The following HFE variants were observed in gnomAD, a reference collection of about 807,000 sequenced individuals.
HFE encodes homeostatic iron regulator.
In HFE, 36 loss-of-function variants were observed where a neutral mutation model predicts 40.9. That is an observed-to-expected ratio of 0.88 (90% CI 0.67 to 1.16). The LOEUF is 1.16. Ranked by LOEUF, HFE falls within the 50% of genes most tolerant of loss-of-function variation. The probability of loss-of-function intolerance (pLI) is 0.00; values close to 1 mark genes in which losing one functional copy is unlikely to be tolerated. For missense variants in HFE, 376 were observed against 432.0 expected (o/e 0.87, Z 1.15); for synonymous variants, 157 against 165.4 (o/e 0.95, Z 0.39).
intron 5 of HFE, 151 bp from the exon 6 acceptor site, chr6:26,094,035 A>G (rs1440008836): frequency 2.6e-6 from 2 of 775,312 alleles, no homozygotes; most frequent in Non-Finnish European, 4.5e-6. Context: ...AAAGCCAATA[A>G]GCATTTCCAG....
chr6:26,090,891 G>C lies in HFE; in HGVS notation c.127G>C (p.Gly43Arg). The change falls in exon 2 of 6, where the codon GGT becomes CGT. Residue 43 changes from glycine (G) to arginine (R), a missense_variant. This residue lies in a region of HFE where 200 missense variants were observed against 228.5 expected (regional missense o/e 0.88). Transcript: ENST00000357618. Reference sequence around the variant, plus strand: ...CATGGGTGCCTCAGAGCAGGACCTTGGTCTTTCCTTGTTTGAAGCTTTGGG... The same window carrying C: ...CATGGGTGCCTCAGAGCAGGACCTTCGTCTTTCCTTGTTTGAAGCTTTGGG... ...LFMGASEQDL[G>R]LSLFEALGYV... 1.2e-6 allele frequency: 2 copies of C among 1,614,150 alleles called. No individual in the cohort carries two copies. Among genetic ancestry groups the C allele is most frequent in the Non-Finnish European group, 1.7e-6 (2 of 1,180,012 alleles).
In HFE at chr6:26,090,859, A is replaced by G; in HGVS notation, c.95A>G (p.Tyr32Cys). 6.2e-7 allele frequency: 1 copy of G among 1,613,896 alleles called. No individual in the cohort carries two copies. Among genetic ancestry groups the G allele is most frequent in the South Asian group, 1.1e-5 (1 of 91,070 alleles). ...TCTCCAGGTTCACACTCTCTGCACT[A>G]CCTCTTCATGGGTGCCTCAGAGCAG... ...GRLLRSHSLHYLFMGASEQDL... is the reference protein window; with the variant it reads ...GRLLRSHSLHCLFMGASEQDL... The change falls in exon 2 of 6, where the codon TAC becomes TGC. Residue 32 changes from tyrosine to cysteine, a missense_variant. Around this residue, in one of 3 missense-constraint regions of HFE, gnomAD observed 200 missense variants for 228.5 expected, o/e 0.88. Coordinates refer to ENST00000357618, the MANE Select transcript of HFE (RefSeq NM_000410.4).
At position 26,096,260 on chromosome 6, in the gene HFE, A is replaced by G. The variant is rs1455605657; in HGVS notation, c.*2034A>G. On this transcript the variant is annotated 3_prime_UTR_variant, in exon 6 of 6. Transcript: ENST00000357618. ...GCGATTCTCCTGTCTCAGCCTCCCAAGTAGCTGGGATTACAGGCGTGCACC... is the reference window on the plus strand; with the variant it reads ...GCGATTCTCCTGTCTCAGCCTCCCAGGTAGCTGGGATTACAGGCGTGCACC... The G allele has an allele frequency of 2.0e-5, 6 of 298,246 alleles. No individual in the cohort carries two copies. Among genetic ancestry groups the G allele is most frequent in the Non-Finnish European group, 2.6e-5 (4 of 151,024 alleles). The allele number at this position is 298,246 out of a possible 1,614,324, so 18.5% of individuals were successfully genotyped here.
chr6:26,095,145 C>G lies in HFE; in HGVS notation c.*919C>G, dbSNP rs184512625. On this transcript the variant is annotated 3_prime_UTR_variant, in exon 6 of 6. Coordinates refer to ENST00000357618, the MANE Select transcript of HFE (RefSeq NM_000410.4). Reference sequence around the variant, plus strand: ...CATGCATTACTGCATGCACTTCTTACAATAATTCTATGAGATAGGTACTAT... The same window carrying G: ...CATGCATTACTGCATGCACTTCTTAGAATAATTCTATGAGATAGGTACTAT... The G allele has an allele frequency of 6.6e-6, 1 of 152,368 alleles. No homozygotes were observed. The highest frequency in any genetic ancestry group is 6.5e-5 in the Admixed American group (1 of 15,298). 9.4% of individuals were successfully genotyped at this position (152,368 alleles called of 1,614,324 possible). A position where few individuals can be genotyped will look rare whatever the true frequency, so the allele number is the denominator to read the frequency against.
In HFE at chr6:26,096,546, T is replaced by G. The variant is rs1343173895; in HGVS notation, c.*2320T>G. ...CATTCTGTCTTGAAGGGCAGGTGCTTCAGGATACCATATACAGCTCAGAAG... is the reference window on the plus strand; with the variant it reads ...CATTCTGTCTTGAAGGGCAGGTGCTGCAGGATACCATATACAGCTCAGAAG... On this transcript the variant is annotated 3_prime_UTR_variant, in exon 6 of 6. Coordinates refer to ENST00000357618, the MANE Select transcript of HFE (RefSeq NM_000410.4). 2.2e-6 allele frequency: 1 copy of G among 456,518 alleles called. No individual in the cohort carries two copies. The highest frequency in any genetic ancestry group is 4.4e-6 in the Non-Finnish European group (1 of 226,818). 28.3% of individuals were successfully genotyped at this position (456,518 alleles called of 1,614,324 possible).
In HFE at chr6:26,092,753, AACT is replaced by A. The variant is rs766992720; in HGVS notation, c.691_693del (p.Tyr231del). 64 of 1,614,204 alleles carry A rather than the reference AACT, an allele frequency of 4.0e-5. No homozygotes were observed. The East Asian group carries it at 1.4e-3, about 35-fold the overall frequency. ...GACCACTCTACGGTGTCGGGCCTTGAACTACTACCCCCAGAACATCACCATGAA... is the reference window on the plus strand; with the variant it reads ...GACCACTCTACGGTGTCGGGCCTTGAACTACCCCCAGAACATCACCATGAA... On this transcript the variant is annotated inframe_deletion, in exon 4 of 6. Transcript: ENST00000357618.
At chr6:26,087,578 T>G (rs1762370745) in intron 1 of HFE, 62 bp downstream of exon 1, 1 of 1,429,072 alleles carries the variant, frequency 7.0e-7, no homozygotes, top group Non-Finnish European at 9.8e-7. Context: ...CGAAACTAGC[T>G]TTTTCTTTGC....
At chr6:26,089,110 G>C (rs57437008) in intron 1 of HFE, among the ~76,000 whole-genome samples, 3 of 45,688 alleles carry the variant, frequency 6.6e-5, no homozygotes, top group Non-Finnish European at 1.0e-4. Context: ...TGTGTGTGTG[G>C]GGGGGGGGGG....
chr6:26,090,926 T>C lies in HFE; in HGVS notation c.162T>C (p.Asp54=). 3 of 1,614,190 alleles carry C rather than the reference T, an allele frequency of 1.9e-6. No individual in the cohort carries two copies. Among genetic ancestry groups the C allele is most frequent in the Non-Finnish European group, 2.5e-6 (3 of 1,180,020 alleles). The change falls in exon 2 of 6, where the codon GAT becomes GAC. Residue 54 remains aspartate, a synonymous_variant. Transcript: ENST00000357618. ...LSLFEALGYV[D]DQLFVFYDHE... ...TGTTTGAAGCTTTGGGCTACGTGGA[T>C]GACCAGCTGTTCGTGTTCTATGATC...
Position 26,096,887 on chromosome 6 carries a change from T to C in HFE, c.*2661T>C, listed in dbSNP as rs957465194. 4.6e-6 allele frequency: 1 copy of C among 218,588 alleles called. No homozygotes were observed. Among genetic ancestry groups the C allele is most frequent in the Non-Finnish European group, 9.3e-6 (1 of 107,532 alleles). The allele number at this position is 218,588 out of a possible 1,614,324, so 13.5% of individuals were successfully genotyped here. On this transcript the variant is annotated 3_prime_UTR_variant, in exon 6 of 6. Transcript: ENST00000357618. The stretch of plus-strand genomic sequence containing the variant: ...CTTGTGTATATACTTAATCGCTTTG[T>C]CATTTTGGAGACATTTATTTTGCTT...
intron 1 of HFE, among the ~76,000 whole-genome samples, chr6:26,089,819 C>T (rs1762550354): frequency 6.6e-6 from 1 of 151,966 alleles, no homozygotes; most frequent in African/African-American, 2.4e-5. Context: ...CCTAGCTACT[C>T]GGGAGGCTGA....
rs1310453585 is a variant in HFE at position 26,090,695 on chromosome 6, A to G, written c.77-146A>G. ...AGGAAAGAGCACCCAGGACTGTCAT[A>G]TGGAAGAAAGACAGGACTGCAACTC... On this transcript the variant is annotated intron_variant, in intron 1 of 5. Transcript: ENST00000357618. The G allele has an allele frequency of 2.3e-5, 20 of 877,256 alleles. No individual in the cohort carries two copies. The Admixed American group carries it at 2.4e-4, about 11-fold the overall frequency. The allele number at this position is 877,256 out of a possible 1,614,324, so 54.3% of individuals were successfully genotyped here. A position where few individuals can be genotyped will look rare whatever the true frequency, so the allele number is the denominator to read the frequency against.
intron 1 of HFE, 35 bp downstream of exon 1, chr6:26,087,551 G>C: frequency 1.3e-6 from 2 of 1,581,468 alleles, no homozygotes; most frequent in Non-Finnish European, 1.7e-6. Context: ...CTAGGGGCGC[G>C]GCGGGGGTGG....
At chr6:26,093,637 A>T (rs1222374770) in intron 5 of HFE, among the ~76,000 whole-genome samples, 4 of 152,092 alleles carry the variant, frequency 2.6e-5, no homozygotes, top group African/African-American at 9.7e-5. Flanking sequence ...TCAGCTGGGG[A>T]TCAAGATAGC....
Position 26,094,392 on chromosome 6 carries a change from T to C in HFE, c.*166T>C. ...TCTCTGTTCATTTCCTCAAAAAGAT[T>C]TCCCCATTTAGGTTTCTGAGTTCCT... On this transcript the variant is annotated 3_prime_UTR_variant, in exon 6 of 6. Transcript: ENST00000357618. 1 of 742,278 alleles carries C rather than the reference T, an allele frequency of 1.3e-6. No individual in the cohort carries two copies. The allele number at this position is 742,278 out of a possible 1,614,324, so 46.0% of individuals were successfully genotyped here.
chr6:26,092,525 G>C (rs1762792825), intron 3 of HFE, 160 bp from the exon 4 acceptor site: 3 of 1,210,636 alleles, frequency 2.5e-6, no homozygotes, highest in East Asian at 4.8e-5. Context: ...CACTGTGTTA[G>C]AGTCCAATCT....
Position 26,093,069 on chromosome 6 carries a change from G to A in HFE, c.893-50G>A, listed in dbSNP as rs2794717. The A allele has an allele frequency of 8.3e-3, 13,376 of 1,613,478 alleles. 88 individuals are homozygous for A. Among genetic ancestry groups the A allele is most frequent in the Non-Finnish European group, 9.6e-3 (11,295 of 1,179,418 alleles). On this transcript the variant is annotated intron_variant, in intron 4 of 5. Coordinates refer to ENST00000357618, the MANE Select transcript of HFE (RefSeq NM_000410.4). ...ATGAGGATCTGCTCTTTGTTAGGGG[G>A]TGGGCTGAGGGTGGCAATCAAAGGC...
intron 1 of HFE, among the ~76,000 whole-genome samples, chr6:26,089,069 A>C (rs1434653024): frequency 7.0e-6 from 1 of 141,926 alleles, no homozygotes; most frequent in East Asian, 2.3e-4. Flanking sequence ...AGTTGGATTA[A>C]AAAGCGGGTT....
chr6:26,090,467 A>AAAC (rs1762615376), intron 1 of HFE, among the ~76,000 whole-genome samples: 1 of 151,050 alleles, frequency 6.6e-6, no homozygotes, highest in Non-Finnish European at 1.5e-5. Flanking sequence ...AAAAAAAAAA[A>AAAC]AAAACTGAAG....
Sources: gnomAD v4.1 joint callset for allele counts (sites outside exome capture counted in the v4.1 genomes callset) on GRCh38, gnomAD v4.1.1 for gene constraint, gnomAD v4.1.1 regional missense constraint, MANE v1.5 for transcripts, NCBI Gene and HGNC (gene_info 2026-07-23, HGNC 2026-07-21) for gene names.